Variants in EIF2B3 observed in about 807,000 individuals in gnomAD.
EIF2B3 encodes eukaryotic translation initiation factor 2B subunit gamma, also known as translation initiation factor eIF2B subunit gamma.
In EIF2B3, 20 loss-of-function variants were observed where a neutral mutation model predicts 54.1. The ratio of observed to expected loss-of-function variants is 0.37; its 90% confidence interval spans 0.26 to 0.54. The LOEUF (loss-of-function observed/expected upper bound fraction) is 0.54, where lower values mean the gene tolerates loss of function less well. EIF2B3 is among the 20% of genes least tolerant of loss of function. The pLI is 0.86. For missense variants in EIF2B3, 448 were observed against 547.8 expected, an observed-to-expected ratio of 0.82 and a Z score of 1.82; for synonymous variants, 153 against 188.1, an observed-to-expected ratio of 0.81 and a Z score of 1.52.
intron 5 of EIF2B3, among the ~76,000 whole-genome samples, chr1:44,906,646 C>T (rs1643416332): frequency 6.6e-6 from 1 of 152,032 alleles, no homozygotes; most frequent in Non-Finnish European, 1.5e-5. Context: ...GTGATCCGCC[C>T]ACCTCGGCCT....
At chr1:44,945,126 T>C (rs779644957) in intron 3 of EIF2B3, among the ~76,000 whole-genome samples, 4 of 152,200 alleles carry the variant, frequency 2.6e-5, no homozygotes, top group Non-Finnish European at 4.4e-5. Flanking sequence ...TTTTTCCACA[T>C]GTAACTTGTT....
chr1:44,895,107 G>T (rs560694015), intron 6 of EIF2B3, among the ~76,000 whole-genome samples: 4 of 152,148 alleles, frequency 2.6e-5, no homozygotes, highest in Non-Finnish European at 2.9e-5. Flanking sequence ...AGAGGTCAAG[G>T]TAGATGCGGG....
intron 6 of EIF2B3, among the ~76,000 whole-genome samples, chr1:44,890,921 T>C (rs1655775656): frequency 6.6e-6 from 1 of 152,176 alleles, no homozygotes; most frequent in African/African-American, 2.4e-5. Flanking sequence ...TTCTATCCCC[T>C]AAATCTCTGT....
At chr1:44,951,957 T>G in intron 3 of EIF2B3, among the ~76,000 whole-genome samples, 1 of 54,102 alleles carries the variant, frequency 1.8e-5, no homozygotes, top group Admixed American at 1.7e-4. Flanking sequence ...CTGGCTAATT[T>G]TTTTTTTTTT....
At chr1:44,884,609 T>A (rs989698208) in intron 6 of EIF2B3, among the ~76,000 whole-genome samples, 1 of 152,246 alleles carries the variant, frequency 6.6e-6, no homozygotes, top group African/African-American at 2.4e-5. Flanking sequence ...AAAATTTCCA[T>A]GTGAATACAA....
chr1:44,889,720 G>A (rs2148910562), intron 6 of EIF2B3, among the ~76,000 whole-genome samples: 1 of 152,078 alleles, frequency 6.6e-6, no homozygotes, highest in South Asian at 2.1e-4. Flanking sequence ...GTAGAGATGG[G>A]GTTTCACCAT....
At chr1:44,943,678 C>A (rs1644064713) in intron 3 of EIF2B3, among the ~76,000 whole-genome samples, 1 of 151,974 alleles carries the variant, frequency 6.6e-6, no homozygotes, top group African/African-American at 2.4e-5. Flanking sequence ...CCCACTTTGG[C>A]CTCCCAAAGT....
At chr1:44,870,201 A>G (rs1300263936) in intron 10 of EIF2B3, among the ~76,000 whole-genome samples, 1 of 151,892 alleles carries the variant, frequency 6.6e-6, no homozygotes, top group Admixed American at 6.6e-5. Context: ...AGAGAGAGAG[A>G]GAGAGAGAAT....
chr1:44,954,178 C>T (rs1443224918), intron 3 of EIF2B3, among the ~76,000 whole-genome samples: 1 of 152,002 alleles, frequency 6.6e-6, no homozygotes, highest in East Asian at 1.9e-4. Context: ...AAAGCAAAAA[C>T]ATCAGGAGAT....
rs1035599367 is a variant in EIF2B3, at chr1:44,879,738, G to A, written c.975+80C>T. 16 of 1,483,162 alleles carry A rather than the reference G, an allele frequency of 1.1e-5. No individual in the cohort carries two copies. The Admixed American group carries it at 1.5e-4, about 14-fold the overall frequency. 91.9% of individuals were successfully genotyped at this position (1,483,162 alleles called of 1,614,324 possible). On this transcript the variant is annotated intron_variant, in intron 8 of 11. Transcript: ENST00000360403. ...ACAGGGATTCTTAACAAGTTACTAT[G>A]TACCTAATGAAGAAACAGACAAGTG...
intron 4 of EIF2B3, among the ~76,000 whole-genome samples, chr1:44,939,101 C>CAAAAAAA (rs35410499): frequency 1.8e-4 from 10 of 56,224 alleles, no homozygotes; most frequent in Non-Finnish European, 2.7e-4. Context: ...GACCCTGTCT[C>CAAAAAAA]AAAAAAAAAA....
At chr1:44,879,453 G>A (rs781644628) in intron 8 of EIF2B3, among the ~76,000 whole-genome samples, 1 of 152,142 alleles carries the variant, frequency 6.6e-6, no homozygotes, top group African/African-American at 2.4e-5. Flanking sequence ...GTATGCCTAT[G>A]TTTACTTCAT....
chr1:44,960,522 C>T (rs1185965272), intron 3 of EIF2B3, among the ~76,000 whole-genome samples: 3 of 151,950 alleles, frequency 2.0e-5, no homozygotes, highest in Admixed American at 2.0e-4. Context: ...GCCTGTAGTC[C>T]CAGCTACTCC....
intron 3 of EIF2B3, chr1:44,958,520 G>C: frequency 8.3e-7 from 1 of 1,200,878 alleles, no homozygotes; most frequent in Non-Finnish European, 1.2e-6. Flanking sequence ...TTCTTTTATG[G>C]GCTGTCTTTA....
At chr1:44,932,661 G>GA (rs1263712202) in intron 4 of EIF2B3, among the ~76,000 whole-genome samples, 1 of 151,742 alleles carries the variant, frequency 6.6e-6, no homozygotes, top group Non-Finnish European at 1.5e-5. Flanking sequence ...AGAAAAAGAG[G>GA]AAAAAAGTGT....
chr1:44,892,165 C>G (rs996887134), intron 6 of EIF2B3, among the ~76,000 whole-genome samples: 2 of 152,184 alleles, frequency 1.3e-5, no homozygotes, highest in African/African-American at 4.8e-5. Context: ...TGGCTCTTTC[C>G]ACTATACCAT....
intron 2 of EIF2B3, 45 bp downstream of exon 2, chr1:44,980,976 T>G: frequency 6.2e-7 from 1 of 1,611,748 alleles, no homozygotes; most frequent in Non-Finnish European, 8.5e-7. Context: ...GGATCAAATC[T>G]CCTAAAAGTT....
At chr1:44,983,699 C>G (rs1384167066) in intron 1 of EIF2B3, among the ~76,000 whole-genome samples, 18 of 73,794 alleles carry the variant, frequency 2.4e-4, no homozygotes, top group African/African-American at 4.0e-4. Flanking sequence ...TGGTGAAACT[C>G]TGTCTCTACT....
At chr1:44,946,612 T>TTTC (rs1223413286) in intron 3 of EIF2B3, among the ~76,000 whole-genome samples, 6 of 144,248 alleles carry the variant, frequency 4.2e-5, no homozygotes, top group African/African-American at 5.0e-5. Flanking sequence ...CTAATTTTAA[T>TTTC]TTCTTCTTCT....
Sources: allele counts gnomAD v4.1 joint callset (sites outside exome capture counted in the v4.1 genomes callset), GRCh38; gene constraint gnomAD v4.1.1; transcripts MANE v1.5; gene names NCBI Gene and HGNC (gene_info 2026-07-23, HGNC 2026-07-21).